Variants in SULF2 observed in about 807,000 individuals in gnomAD.
The protein encoded by SULF2 is sulfatase 2.
In SULF2, 52 loss-of-function variants were observed where a neutral mutation model predicts 107.7. The observed-to-expected ratio is 0.48, with a 90% CI of 0.39 to 0.61. The LOEUF is 0.61. Ranked by LOEUF, SULF2 falls within the 20% of genes least tolerant of loss-of-function variation. The pLI is 0.00. For missense variants in SULF2, 993 were observed against 1,177.3 expected (o/e 0.84, Z 2.29); for synonymous variants, 460 against 464.3 (o/e 0.99, Z 0.12).
intron 3 of SULF2, among the ~76,000 whole-genome samples, chr20:47,730,377 G>C (rs759179055): frequency 2.0e-5 from 3 of 152,232 alleles, no homozygotes; most frequent in Non-Finnish European, 4.4e-5. Context: ...AAGGAGAAAG[G>C]CATTATCCCA....
intron 1 of SULF2, among the ~76,000 whole-genome samples, chr20:47,779,834 T>C (rs11699013): frequency 0.087 from 13,277 of 152,168 alleles, 621 homozygotes; most frequent in South Asian, 0.17. Flanking sequence ...CTTGAACTCC[T>C]GACCTCAGGT....
In SULF2 at chr20:47,680,434, G is replaced by C. The variant is rs2087785798; in HGVS notation, c.1065-1630C>G. Among the ~76,000 whole-genome samples the C allele has an allele frequency of 6.6e-6, 1 of 152,240 alleles. No individual in the cohort carries two copies. Among genetic ancestry groups the C allele is most frequent in the Admixed American group, 6.5e-5 (1 of 15,290 alleles). On this transcript the variant is annotated intron_variant, in intron 7 of 20. Transcript: ENST00000688720. The surrounding 1 kb of genome is among the most constrained non-coding windows in gnomAD (Gnocchi z 4.2). ...TCTGGCTGATGGCATTCCCAATGTA[G>C]GGTAAGGGACTTAAGGGGTGTGCCC...
intron 2 of SULF2, among the ~76,000 whole-genome samples, chr20:47,754,323 T>A (rs929148184): frequency 1.3e-5 from 2 of 152,150 alleles, no homozygotes; most frequent in Non-Finnish European, 2.9e-5. Context: ...GGGCAGAAAA[T>A]AGCAAATGAT....
rs374535230 is a variant in SULF2 at position 47,762,759 on chromosome 20, C to A, written c.-100-5296G>T. On this transcript the variant is annotated intron_variant, in intron 1 of 20. Transcript: ENST00000688720. ...GCCCTGGGCTGGGTAAAGATGGAGC[C>A]CGGGGCACAGTCAGCTGGACTTCGT... Among the ~76,000 whole-genome samples, 19 of 152,300 alleles carry A rather than the reference C, an allele frequency of 1.2e-4. No individual in the cohort carries two copies. In the East Asian group the frequency reaches 3.5e-3, roughly 28 times the overall value.
chr20:47,726,801 C>A (rs1422431889), intron 3 of SULF2, among the ~76,000 whole-genome samples: 1 of 152,218 alleles, frequency 6.6e-6, no homozygotes, highest in Admixed American at 6.5e-5. Context: ...CCCCCGGAAG[C>A]CTCTTGAGGC....
At chr20:47,725,396 C>T (rs2089412411) in intron 3 of SULF2, among the ~76,000 whole-genome samples, 1 of 152,134 alleles carries the variant, frequency 6.6e-6, no homozygotes, top group Non-Finnish European at 1.5e-5. Context: ...AACTCAGAAG[C>T]TATGTGGAAT....
intron 9 of SULF2, 139 bp from the exon 10 acceptor site, chr20:47,676,762 G>T: frequency 9.8e-7 from 1 of 1,015,644 alleles, no homozygotes; most frequent in East Asian, 2.6e-5. Flanking sequence ...CACCTGCCCG[G>T]GTCTTCTGAT....
chr20:47,712,912 G>A (rs2088980837), intron 3 of SULF2, among the ~76,000 whole-genome samples: 1 of 152,158 alleles, frequency 6.6e-6, no homozygotes, highest in African/African-American at 2.4e-5. Flanking sequence ...CTGCACGCCT[G>A]TCGTTCCAGC....
intron 2 of SULF2, among the ~76,000 whole-genome samples, chr20:47,752,509 T>C (rs538663353): frequency 6.6e-5 from 10 of 150,700 alleles, no homozygotes; most frequent in South Asian, 2.1e-4. Context: ...GGGGGGCGGA[T>C]TGTTTGAGCT....
At chr20:47,775,732 T>G (rs982751264) in intron 1 of SULF2, among the ~76,000 whole-genome samples, 4 of 152,162 alleles carry the variant, frequency 2.6e-5, no homozygotes, top group African/African-American at 9.7e-5. Context: ...CCTGTTCTAG[T>G]GAGGGCATCA....
chr20:47,737,936 G>A (rs193163699), intron 2 of SULF2, among the ~76,000 whole-genome samples: 176 of 151,818 alleles, frequency 1.2e-3, no homozygotes, highest in Non-Finnish European at 2.0e-3. Context: ...TAGAGATGAC[G>A]TTTCGCCATG....
chr20:47,753,122 A>C (rs2090199303), intron 2 of SULF2, among the ~76,000 whole-genome samples: 1 of 149,882 alleles, frequency 6.7e-6, no homozygotes, highest in Non-Finnish European at 1.5e-5. Context: ...AAAAAAAAGA[A>C]AGAAAAGAAA....
intron 1 of SULF2, among the ~76,000 whole-genome samples, chr20:47,780,642 C>T (rs1425379157): frequency 6.6e-6 from 1 of 152,154 alleles, no homozygotes. Flanking sequence ...CAACCTCCGA[C>T]TCCTGGGTTC....
intron 2 of SULF2, among the ~76,000 whole-genome samples, chr20:47,745,312 C>CTCAGTT (rs1671893117): frequency 6.8e-6 from 1 of 147,326 alleles, no homozygotes; most frequent in Non-Finnish European, 1.5e-5. Flanking sequence ...CACCCTGCAC[C>CTCAGTT]TCAGTTTCCC....
intron 18 of SULF2, 79 bp from the exon 19 acceptor site, chr20:47,659,809 T>A: frequency 8.9e-7 from 1 of 1,117,588 alleles, no homozygotes; most frequent in Non-Finnish European, 1.3e-6. Context: ...GAAAACCATC[T>A]TATGCTTTTT....
chr20:47,708,026 G>A (rs1430417970), intron 3 of SULF2, among the ~76,000 whole-genome samples: 2 of 152,136 alleles, frequency 1.3e-5, no homozygotes, highest in African/African-American at 2.4e-5. Context: ...CCCTAGGGAA[G>A]GTATGCATGC....
intron 16 of SULF2, 32 bp from the exon 17 acceptor site, chr20:47,663,244 C>T (rs1424246674): frequency 1.9e-6 from 3 of 1,612,280 alleles, no homozygotes; most frequent in Non-Finnish European, 8.5e-7. Flanking sequence ...GTCCTGAGTG[C>T]CTGCGGGAGG....
intron 2 of SULF2, among the ~76,000 whole-genome samples, chr20:47,747,044 A>G (rs1017375951): frequency 2.0e-5 from 3 of 148,324 alleles, no homozygotes; most frequent in African/African-American, 7.5e-5. Flanking sequence ...TAAAAAGGGA[A>G]TCTCTTATTT....
intron 3 of SULF2, among the ~76,000 whole-genome samples, chr20:47,709,400 C>T (rs1271834694): frequency 1.3e-5 from 2 of 152,234 alleles, no homozygotes; most frequent in Admixed American, 6.5e-5. Flanking sequence ...GGCCAGAGCA[C>T]TTACTGCCTC....
Sources: allele counts gnomAD v4.1 joint callset (sites outside exome capture counted in the v4.1 genomes callset), GRCh38; gene constraint gnomAD v4.1.1; non-coding constraint Gnocchi (gnomAD v3.1); transcripts MANE v1.5; gene names NCBI Gene and HGNC (gene_info 2026-07-23, HGNC 2026-07-21).